CDH5: variants seen among roughly 807,000 people sequenced by gnomAD.
CDH5 encodes cadherin-5.
In CDH5, 28 loss-of-function variants were observed where a neutral mutation model predicts 62.0. The observed-to-expected ratio is 0.45, with a 90% CI of 0.33 to 0.62. The LOEUF (loss-of-function observed/expected upper bound fraction) is 0.62, where lower values mean the gene tolerates loss of function less well. Ranked by LOEUF, CDH5 falls within the 20% of genes least tolerant of loss-of-function variation. The pLI, the probability that CDH5 is intolerant of heterozygous loss-of-function variation, is 0.02. For missense variants in CDH5, 940 were observed against 1,065.1 expected, an observed-to-expected ratio of 0.88 and a Z score of 1.63; for synonymous variants, 464 against 445.8, an observed-to-expected ratio of 1.04 and a Z score of -0.52.
chr16:66,390,580 A>AGCT lies in CDH5; in HGVS notation c.961_962insTGC (p.Lys320_Pro321insLeu). On this transcript the variant is annotated inframe_insertion, in exon 6 of 12. Coordinates refer to ENST00000341529, the MANE Select transcript of CDH5 (RefSeq NM_001795.5). ...CCCGCCCACAACGAGGGCATCATCAAGCCCATGAAGGTTTGTAGGCCAATG... is the reference window on the plus strand; with the variant it reads ...CCCGCCCACAACGAGGGCATCATCAAGCTGCCCATGAAGGTTTGTAGGCCAATG... 6.2e-7 allele frequency: 1 copy of AGCT among 1,614,072 alleles called. No homozygotes were observed.
At chr16:66,384,511 G>C (rs1960950124) in intron 2 of CDH5, among the ~76,000 whole-genome samples, 1 of 151,970 alleles carries the variant, frequency 6.6e-6, no homozygotes, top group Non-Finnish European at 1.5e-5. Context: ...CCAGCATTCT[G>C]AGAGGCCAAG....
rs1452903946 is a variant in CDH5 at position 66,404,089 on chromosome 16, C to A, written c.*920C>A. 6.6e-6 allele frequency: 1 copy of A among 152,530 alleles called. No homozygotes were observed. The highest frequency in any genetic ancestry group is 1.5e-5 in the Non-Finnish European group (1 of 68,070). The allele number at this position is 152,530 out of a possible 1,614,324, so 9.4% of individuals were successfully genotyped here. ...TCTCCCCTTCTCTGCCTCACCTGGT[C>A]GCCAATCCATGCTCTCTTTCTTTTC... On this transcript the variant is annotated 3_prime_UTR_variant, in exon 12 of 12. Coordinates refer to ENST00000341529, the MANE Select transcript of CDH5 (RefSeq NM_001795.5).
intron 1 of CDH5, among the ~76,000 whole-genome samples, chr16:66,374,555 C>T (rs1411126392): frequency 2.0e-5 from 3 of 152,162 alleles, no homozygotes; most frequent in African/African-American, 7.2e-5. Context: ...TTTTCTGCAC[C>T]TTCAGAGAAC....
chr16:66,389,649 C>T (rs1373952949), intron 5 of CDH5, 127 bp downstream of exon 5: 1 of 761,388 alleles, frequency 1.3e-6, no homozygotes, highest in Non-Finnish European at 2.0e-6. Context: ...GCCTGATGCC[C>T]AAAGGAGTCC....
At chr16:66,397,773 A>G (rs1298677031) in intron 8 of CDH5, among the ~76,000 whole-genome samples, 1 of 152,122 alleles carries the variant, frequency 6.6e-6, no homozygotes, top group Admixed American at 6.5e-5. Flanking sequence ...TCTCATAATC[A>G]AAGTAATACC....
At chr16:66,386,613 A>G (rs1017392768) in intron 2 of CDH5, among the ~76,000 whole-genome samples, 196 bp from the exon 3 acceptor site, 7 of 152,268 alleles carry the variant, frequency 4.6e-5, no homozygotes, top group Non-Finnish European at 8.8e-5. Context: ...TGCAAAGGAC[A>G]TGATTTTATT....
At chr16:66,399,024 G>C (rs1961238138) in intron 10 of CDH5, among the ~76,000 whole-genome samples, 2 of 152,158 alleles carry the variant, frequency 1.3e-5, no homozygotes, top group African/African-American at 4.8e-5. Flanking sequence ...TCAAGAACTA[G>C]CCAAGGAGTC....
chr16:66,380,653 G>A (rs1960881372), intron 2 of CDH5, among the ~76,000 whole-genome samples: 1 of 151,744 alleles, frequency 6.6e-6, no homozygotes, highest in Non-Finnish European at 1.5e-5. Context: ...AAATGTTGAT[G>A]GTGGTGATGA....
At chr16:66,393,644 C>T (rs866867819) in intron 7 of CDH5, among the ~76,000 whole-genome samples, 7 of 152,314 alleles carry the variant, frequency 4.6e-5, no homozygotes, top group Middle Eastern at 3.4e-3. Flanking sequence ...ACATGAGATT[C>T]GGTGGGGACA....
intron 6 of CDH5, among the ~76,000 whole-genome samples, chr16:66,391,753 C>T (rs1398587501): frequency 6.6e-6 from 1 of 152,130 alleles, no homozygotes; most frequent in Non-Finnish European, 1.5e-5. Context: ...AATCTGGGTA[C>T]CAAGAGCAAT....
chr16:66,379,387 T>G lies in CDH5; in HGVS notation c.50T>G (p.Leu17Arg), dbSNP rs763515980. ...GCCACATCGGGCGCCTGCCTGGGCCTGCTGGCAGTGGCAGCAGTGGCAGCA... is the reference window on the plus strand; with the variant it reads ...GCCACATCGGGCGCCTGCCTGGGCCGGCTGGCAGTGGCAGCAGTGGCAGCA... ...LLATSGACLG[L>R]LAVAAVAAAG... The change falls in exon 2 of 12, where the codon CTG becomes CGG. Residue 17 changes from leucine to arginine, a missense_variant. Leu to Arg is a moderately radical substitution (Grantham distance 102). Coordinates refer to ENST00000341529, the MANE Select transcript of CDH5 (RefSeq NM_001795.5). The G allele has an allele frequency of 1.2e-6, 2 of 1,614,068 alleles. No homozygotes were observed. Among genetic ancestry groups the G allele is most frequent in the South Asian group, 1.1e-5 (1 of 91,072 alleles).
Position 66,391,115 on chromosome 16 carries a change from G to C in CDH5, c.969+525G>C, listed in dbSNP as rs544560423. Among the ~76,000 whole-genome samples, 161 of 152,310 alleles carry C rather than the reference G, an allele frequency of 1.1e-3. 1 individual carries two copies. Among genetic ancestry groups the C allele is most frequent in the Non-Finnish European group, 1.8e-3 (120 of 68,018 alleles). Reference sequence around the variant, plus strand: ...AGATTAACTGAATCTGGAAGAGGAGGGAGAGGTCCTGTGAGGGGCATAAAA... The same window carrying C: ...AGATTAACTGAATCTGGAAGAGGAGCGAGAGGTCCTGTGAGGGGCATAAAA... On this transcript the variant is annotated intron_variant, in intron 6 of 11. Coordinates refer to ENST00000341529, the MANE Select transcript of CDH5 (RefSeq NM_001795.5).
intron 1 of CDH5, among the ~76,000 whole-genome samples, chr16:66,378,450 T>C (rs930602928): frequency 3.9e-5 from 6 of 152,272 alleles, no homozygotes; most frequent in African/African-American, 4.8e-5. Flanking sequence ...GAAGATTAAA[T>C]AGATAAGATA....
At chr16:66,389,931 G>T (rs1437024731) in intron 5 of CDH5, among the ~76,000 whole-genome samples, 1 of 152,188 alleles carries the variant, frequency 6.6e-6, no homozygotes, top group Non-Finnish European at 1.5e-5. Context: ...CAGAGCCAGG[G>T]CTGGGCCCTG....
rs372007413 is a variant in CDH5, at chr16:66,392,393, C to T, written c.1217+10C>T. ...CTAGGCATAGCATTGGGTAAGGGGG[C>T]GTGTGTCGATGAGAATGATAAGGAC... On this transcript the variant is annotated intron_variant, in intron 7 of 11. Transcript: ENST00000341529. 1.1e-4 allele frequency: 185 copies of T among 1,613,692 alleles called. No individual in the cohort carries two copies. The highest frequency in any genetic ancestry group is 1.5e-4 in the Non-Finnish European group (178 of 1,179,852).
In CDH5 at chr16:66,368,157, C is replaced by A. The variant is rs529523191; in HGVS notation, c.-20+1399C>A. ...TAGGATTCTGACAAGAGAGGAAGGG[C>A]ATTCCCAGGGAGGCAGCTTTGAGGA... is the stretch of plus-strand genomic sequence containing the variant. On this transcript the variant is annotated intron_variant, in intron 1 of 11. Coordinates refer to ENST00000341529, the MANE Select transcript of CDH5 (RefSeq NM_001795.5). Among the ~76,000 whole-genome samples the A allele has an allele frequency of 1.9e-3, 296 of 152,316 alleles. 1 individual carries two copies. Among genetic ancestry groups the A allele is most frequent in the Non-Finnish European group, 3.2e-3 (219 of 68,030 alleles).
intron 2 of CDH5, among the ~76,000 whole-genome samples, chr16:66,381,075 G>A (rs1328551416): frequency 6.6e-6 from 1 of 152,164 alleles, no homozygotes; most frequent in Non-Finnish European, 1.5e-5. Flanking sequence ...CCATTTGAAA[G>A]ATCGGAAAAG....
intron 1 of CDH5, among the ~76,000 whole-genome samples, chr16:66,372,304 A>G (rs1057432470): frequency 1.3e-5 from 2 of 152,268 alleles, no homozygotes; most frequent in African/African-American, 4.8e-5. Context: ...TGCCTGGCAC[A>G]TAGTAGATGC....
chr16:66,391,565 G>A (rs1961084665), intron 6 of CDH5, among the ~76,000 whole-genome samples: 1 of 152,134 alleles, frequency 6.6e-6, no homozygotes, highest in Admixed American at 6.5e-5. Flanking sequence ...CTGAGGTCAG[G>A]AGTTTGAGAC....
Sources: allele counts gnomAD v4.1 joint callset (sites outside exome capture counted in the v4.1 genomes callset), GRCh38; gene constraint gnomAD v4.1.1; transcripts MANE v1.5; gene names NCBI Gene and HGNC (gene_info 2026-07-23, HGNC 2026-07-21).